The following PCMTD1 variants were observed in gnomAD, a reference collection of about 807,000 sequenced individuals.
The protein encoded by PCMTD1 is protein-L-isoaspartate O-methyltransferase domain-containing protein 1.
A neutral mutation model predicts 37.6 loss-of-function variants in PCMTD1; 12 were observed. That is an observed-to-expected ratio of 0.32 (90% confidence interval 0.20 to 0.52). The LOEUF is 0.52. Among genes scored for constraint, PCMTD1 ranks in the 20% least tolerant of loss-of-function variants. The pLI is 0.97. For synonymous variants in PCMTD1, 117 were observed against 135.8 expected, an observed-to-expected ratio of 0.86 and a Z score of 0.96; for missense variants, 235 against 421.3, an observed-to-expected ratio of 0.56 and a Z score of 3.87.
At chr8:51,895,198 GAA>G (rs2038983467) in intron 1 of PCMTD1, among the ~76,000 whole-genome samples, 1 of 152,128 alleles carries the variant, frequency 6.6e-6, no homozygotes, top group Non-Finnish European at 1.5e-5. Flanking sequence ...AAGTGAGAGA[GAA>G]AAACAAACAA....
intron 5 of PCMTD1, among the ~76,000 whole-genome samples, chr8:51,829,026 G>A (rs952564894): frequency 1.1e-4 from 16 of 152,060 alleles, no homozygotes; most frequent in African/African-American, 2.9e-4. Context: ...TGTAAGTAGC[G>A]AAAGTATACG....
intron 5 of PCMTD1, chr8:51,827,135 C>T (rs1435234093): frequency 3.6e-5 from 38 of 1,057,238 alleles, no homozygotes; most frequent in Non-Finnish European, 4.3e-5. Flanking sequence ...TCCATACATC[C>T]TATTAAATTT....
At chr8:51,827,087 A>G in intron 5 of PCMTD1, 1 of 989,188 alleles carries the variant, frequency 1.0e-6, no homozygotes. Flanking sequence ...ACAGAAAGCT[A>G]TTTTAACTTA....
At chr8:51,858,469 C>T (rs1181068331) in intron 2 of PCMTD1, among the ~76,000 whole-genome samples, 1 of 152,154 alleles carries the variant, frequency 6.6e-6, no homozygotes, top group Admixed American at 6.5e-5. Flanking sequence ...ACTCAATAAT[C>T]ACAGGGAGCA....
At chr8:51,895,108 AAAG>A (rs2038982280) in intron 1 of PCMTD1, among the ~76,000 whole-genome samples, 2 of 152,220 alleles carry the variant, frequency 1.3e-5, no homozygotes, top group African/African-American at 4.8e-5. Flanking sequence ...TGGGATTGCC[AAAG>A]AAGAGAACAA....
chr8:51,858,462 C>T (rs2038423420), intron 2 of PCMTD1, among the ~76,000 whole-genome samples: 1 of 152,122 alleles, frequency 6.6e-6, no homozygotes, highest in African/African-American at 2.4e-5. Context: ...TCACTATACT[C>T]AATAATCACA....
chr8:51,891,898 TCTGA>T (rs903570231), intron 1 of PCMTD1, among the ~76,000 whole-genome samples: 1 of 152,062 alleles, frequency 6.6e-6, no homozygotes, highest in African/African-American at 2.4e-5. Flanking sequence ...TGTTAAAGAT[TCTGA>T]CTTTTACCAT....
chr8:51,862,690 C>T (rs2038491092), intron 1 of PCMTD1, among the ~76,000 whole-genome samples: 1 of 152,104 alleles, frequency 6.6e-6, no homozygotes, highest in Non-Finnish European at 1.5e-5. Context: ...GTCCTCAGGC[C>T]CCTGGCACCA....
rs116811259 is a variant in PCMTD1 at position 51,854,305 on chromosome 8, G to C, written c.307+6540C>G. Among the ~76,000 whole-genome samples, 743 of 152,004 alleles carry C rather than the reference G, an allele frequency of 4.9e-3. 6 individuals carry two copies. The highest frequency in any genetic ancestry group is 0.017 in the African/African-American group (713 of 41,444). On this transcript the variant is annotated intron_variant, in intron 2 of 5. Coordinates refer to ENST00000522514, the MANE Select transcript of PCMTD1 (RefSeq NM_052937.4). ...AAAATCACCTGGATGTTGATTTTCAGAGTTAGCAGCAATAAAAGAGGTGGT... is the reference window on the plus strand; with the variant it reads ...AAAATCACCTGGATGTTGATTTTCACAGTTAGCAGCAATAAAAGAGGTGGT...
At chr8:51,890,367 T>C (rs1247285751) in intron 1 of PCMTD1, among the ~76,000 whole-genome samples, 1 of 152,210 alleles carries the variant, frequency 6.6e-6, no homozygotes. Flanking sequence ...CCTTTGCATG[T>C]TCCAAAATTT....
At chr8:51,831,622 C>T (rs1214618752) in intron 4 of PCMTD1, 55 bp from the exon 5 acceptor site, 12 of 1,548,804 alleles carry the variant, frequency 7.7e-6, no homozygotes, top group Admixed American at 1.9e-5. Context: ...ACAATGTGGT[C>T]ACCTTACAGT....
intron 5 of PCMTD1, among the ~76,000 whole-genome samples, chr8:51,822,907 C>A (rs1484163652): frequency 6.6e-6 from 1 of 152,198 alleles, no homozygotes; most frequent in Non-Finnish European, 1.5e-5. Context: ...TTCCGCTGAT[C>A]TTGGCTCTTG....
rs1203313048 is a variant in PCMTD1, at chr8:51,820,643, T to A, written c.782A>T (p.Asp261Val). ...AGGAATCCCCTTGGCCTGCATCTCA[T>A]CATTTATGAAATTTCTAAGTGTGCG... The part of the protein sequence containing the change: ...IRRTLRNFIN[D>V]EMQAKGIPQR... The change falls in exon 6 of 6, where the codon GAT (aspartate) becomes GTT (valine). Residue 261 changes from aspartate (D) to valine (V), a missense_variant. Around this residue, in one of 3 missense-constraint regions of PCMTD1, gnomAD observed 183 missense variants for 349.3 expected, o/e 0.52. Coordinates refer to ENST00000522514, the MANE Select transcript of PCMTD1 (RefSeq NM_052937.4). 3 of 1,613,882 alleles carry A rather than the reference T, an allele frequency of 1.9e-6. No individual in the cohort carries two copies. Among genetic ancestry groups the A allele is most frequent in the African/African-American group, 1.3e-5 (1 of 75,032 alleles).
At position 51,848,365 on chromosome 8, in the gene PCMTD1, C is replaced by T. The variant is rs1217745908; in HGVS notation, c.308-2602G>A. 2.6e-5 allele frequency among the ~76,000 whole-genome samples: 4 copies of T among 151,848 alleles called. No individual in the cohort carries two copies. In the East Asian group the frequency reaches 7.7e-4, roughly 29 times the overall value. On this transcript the variant is annotated intron_variant, in intron 2 of 5. Transcript: ENST00000522514. Reference sequence around the variant, plus strand: ...TATGAAAAAAGAAAAACCAGGGCTGCATAGATACGAGATCAATTAAAAAGG... The same window carrying T: ...TATGAAAAAAGAAAAACCAGGGCTGTATAGATACGAGATCAATTAAAAAGG...
intron 5 of PCMTD1, chr8:51,827,248 T>C: frequency 8.6e-7 from 1 of 1,159,734 alleles, no homozygotes; most frequent in Non-Finnish European, 1.1e-6. Flanking sequence ...TTTTTATAAG[T>C]TACTGTTGGT....
intron 2 of PCMTD1, among the ~76,000 whole-genome samples, chr8:51,853,316 C>T (rs997199928): frequency 1.3e-5 from 2 of 152,146 alleles, no homozygotes; most frequent in African/African-American, 4.8e-5. Context: ...CTGCCAACTC[C>T]AGTCAACCTC....
At chr8:51,899,115 C>G, upstream of PCMTD1, 3 of 1,437,928 alleles carry the variant, frequency 2.1e-6, no homozygotes, top group Non-Finnish European at 2.7e-6. Flanking sequence ...CGGGCATGCG[C>G]AGAGAACCAC....
intron 1 of PCMTD1, among the ~76,000 whole-genome samples, chr8:51,875,786 G>A (rs1000999082): frequency 2.6e-5 from 4 of 152,042 alleles, no homozygotes; most frequent in Admixed American, 1.3e-4. Flanking sequence ...TTAAGAATCA[G>A]CCAGGCATGG....
intron 3 of PCMTD1, 110 bp downstream of exon 3, chr8:51,845,551 T>C (rs1426392736): frequency 1.5e-6 from 1 of 659,416 alleles, no homozygotes; most frequent in Non-Finnish European, 2.6e-6. Context: ...GCACTGATTT[T>C]TGCTGCATTC....
Sources: allele counts gnomAD v4.1 joint callset (sites outside exome capture counted in the v4.1 genomes callset), GRCh38; gene constraint gnomAD v4.1.1; regional missense constraint gnomAD v4.1.1; transcripts MANE v1.5; gene names NCBI Gene and HGNC (gene_info 2026-07-23, HGNC 2026-07-21).